SUMF2: variants seen among roughly 807,000 people sequenced by gnomAD.
SUMF2 encodes sulfatase modifying factor 2.
A neutral mutation model predicts 44.8 loss-of-function variants in SUMF2; 45 were observed. The observed-to-expected ratio is 1.00, with a 90% CI of 0.79 to 1.29. The LOEUF (loss-of-function observed/expected upper bound fraction) is 1.29, where lower values mean the gene tolerates loss of function less well. Ranked by LOEUF, SUMF2 falls within the 50% of genes most tolerant of loss-of-function variation. The probability of loss-of-function intolerance (pLI) is 0.00; values close to 1 mark genes in which losing one functional copy is unlikely to be tolerated. For synonymous variants in SUMF2, 148 were observed against 150.4 expected (o/e 0.98, Z 0.12); for missense variants, 418 against 389.9 (o/e 1.07, Z -0.61).
chr7:56,068,448 A>G (rs1794953217), intron 1 of SUMF2, 34 bp from the exon 2 acceptor site: 1 of 1,579,866 alleles, frequency 6.3e-7, no homozygotes. Flanking sequence ...ATATATATGC[A>G]TGTATTACTG....
chr7:56,085,184 C>T (rs2117567537), downstream of SUMF2, among the ~76,000 whole-genome samples: 1 of 152,262 alleles, frequency 6.6e-6, no homozygotes, highest in South Asian at 2.1e-4. Flanking sequence ...TGGTCTCGAA[C>T]TCCCGGCTTC....
At position 56,079,706 on chromosome 7, in the gene SUMF2, A is replaced by G. The variant is rs1425119901; in HGVS notation, c.*94A>G. 2 of 1,610,896 alleles carry G rather than the reference A, an allele frequency of 1.2e-6. No homozygotes were observed. Among genetic ancestry groups the G allele is most frequent in the Admixed American group, 1.7e-5 (1 of 59,008 alleles). ...GCGCAATTCCAAGCTCGAGAGCTTC[A>G]GCCTCAGGAAAGAACTTCCCCTTCC... On this transcript the variant is annotated 3_prime_UTR_variant, in exon 9 of 9. Transcript: ENST00000434526.
At chr7:56,087,915 G>A in the SUMF2 span, 2 of 656,204 alleles carry the variant, frequency 3.0e-6, no homozygotes, top group Non-Finnish European at 5.2e-6. Context: ...TTTGGAAATG[G>A]TGGATGAATA....
rs1039968736 is a variant in SUMF2 at position 56,074,511 on chromosome 7, CG to C, written c.385-72del. The C allele has an allele frequency of 3.2e-6, 5 of 1,562,314 alleles. No homozygotes were observed. In the African/African-American group the frequency reaches 6.8e-5, roughly 21 times the overall value. Reference sequence around the variant, plus strand: ...TCCATCTAGTGGTAAAAGCTGAACGCGGGCGCCCTAAACCTAGCCTGCCTCC... The same window carrying C: ...TCCATCTAGTGGTAAAAGCTGAACGCGGCGCCCTAAACCTAGCCTGCCTCC... On this transcript the variant is annotated intron_variant, in intron 4 of 8. Transcript: ENST00000434526.
intron 1 of SUMF2, among the ~76,000 whole-genome samples, chr7:56,064,882 CAAAA>C (rs71015175): frequency 4.9e-4 from 7 of 14,310 alleles, no homozygotes; most frequent in Non-Finnish European, 8.0e-4. Context: ...TACTTTATCT[CAAAA>C]AAAAAAAAAA....
At chr7:56,081,343 C>T (rs1245094069), downstream of SUMF2, 3 of 1,563,692 alleles carry the variant, frequency 1.9e-6, no homozygotes, top group Non-Finnish European at 1.7e-6. This position sits in a 1 kb window ranked among gnomAD's most constrained non-coding sequence, Gnocchi z 4.6. Context: ...CCCCGCCCTG[C>T]CAGGCCCTGC....
the SUMF2 span, among the ~76,000 whole-genome samples, chr7:56,087,194 T>TTTATTATTATTATTA: frequency 1.3e-4 from 18 of 136,086 alleles, no homozygotes; most frequent in Admixed American, 4.5e-4. Context: ...GCCCAGGGAC[T>TTTATTATTATTATTA]TTATTATTAT....
intron 5 of SUMF2, among the ~76,000 whole-genome samples, chr7:56,075,609 G>C (rs529830184): frequency 6.6e-6 from 1 of 151,284 alleles, no homozygotes; most frequent in Non-Finnish European, 1.5e-5. Context: ...TGAGGCAGGG[G>C]AATGGCGTGA....
At chr7:56,065,978 G>T (rs1794758494) in intron 1 of SUMF2, among the ~76,000 whole-genome samples, 1 of 151,440 alleles carries the variant, frequency 6.6e-6, no homozygotes, top group South Asian at 2.1e-4. Context: ...CTATTCAGGA[G>T]GCTGAGGCGG....
At chr7:56,078,575 C>T in intron 8 of SUMF2, 67 bp downstream of exon 8, 3 of 1,469,570 alleles carry the variant, frequency 2.0e-6, no homozygotes, top group Non-Finnish European at 2.7e-6. Context: ...ATCCCGGTCC[C>T]AGAGTGTCCC....
downstream of SUMF2, chr7:56,081,734 G>A: frequency 6.2e-7 from 1 of 1,613,740 alleles, no homozygotes; most frequent in Non-Finnish European, 8.5e-7. This position sits in a 1 kb window ranked among gnomAD's most constrained non-coding sequence, Gnocchi z 4.6. Context: ...TTCTGGGGTT[G>A]CACCACCAGG....
rs1795783106 is a variant in SUMF2 at position 56,079,015 on chromosome 7, G to C, written c.821+507G>C. On this transcript the variant is annotated intron_variant, in intron 8 of 8. Transcript: ENST00000434526. ...AGGCTCTAGCGATTCTTCCACCTCAGCTCCTCAAGTATCTGGGACTACAGG... is the reference window on the plus strand; with the variant it reads ...AGGCTCTAGCGATTCTTCCACCTCACCTCCTCAAGTATCTGGGACTACAGG... The C allele has an allele frequency of 4.9e-6, 3 of 609,406 alleles. No individual in the cohort carries two copies. In the South Asian group the frequency reaches 6.0e-5, roughly 12 times the overall value. The allele number at this position is 609,406 out of a possible 1,614,324, so 37.7% of individuals were successfully genotyped here.
At chr7:56,075,694 G>A (rs1196869295) in intron 5 of SUMF2, among the ~76,000 whole-genome samples, 4 of 144,058 alleles carry the variant, frequency 2.8e-5, no homozygotes, top group Admixed American at 7.0e-5. Flanking sequence ...GTAAGACTCC[G>A]TCTCAAAAAA....
Position 56,079,252 on chromosome 7 carries a change from T to C in SUMF2, c.822-276T>C, listed in dbSNP as rs1343184464. The C allele has an allele frequency of 9.2e-6, 5 of 540,542 alleles. No homozygotes were observed. In the Admixed American group the frequency reaches 1.7e-4, roughly 18 times the overall value. The allele number at this position is 540,542 out of a possible 1,614,324, so 33.5% of individuals were successfully genotyped here. A position where few individuals can be genotyped will look rare whatever the true frequency, so the allele number is the denominator to read the frequency against. On this transcript the variant is annotated intron_variant, in intron 8 of 8. Coordinates refer to ENST00000434526, the MANE Select transcript of SUMF2 (RefSeq NM_015411.4). ...GCTAACATAGAAGTTAGTCACTGTC[T>C]TTTCTGCTCTTCAGTGCTGTCTCTT... is the stretch of plus-strand genomic sequence containing the variant.
At chr7:56,074,854 T>G (rs748134863) in intron 5 of SUMF2, 118 bp downstream of exon 5, 151 of 1,324,152 alleles carry the variant, frequency 1.1e-4, no homozygotes, top group Admixed American at 4.6e-4. Context: ...TCCCAACACT[T>G]TGGGAGGCTG....
At chr7:56,076,351 A>G (rs974249636) in intron 5 of SUMF2, among the ~76,000 whole-genome samples, 4 of 151,748 alleles carry the variant, frequency 2.6e-5, no homozygotes, top group African/African-American at 9.7e-5. Flanking sequence ...TAGTAGAGAC[A>G]GGATTTCACT....
chr7:56,072,192 A>T (rs1306971161), intron 2 of SUMF2, among the ~76,000 whole-genome samples: 1 of 151,222 alleles, frequency 6.6e-6, no homozygotes, highest in African/African-American at 2.4e-5. Flanking sequence ...TTGGGAGGCC[A>T]CTTTGGGTGG....
chr7:56,081,073 A>G (rs1795953443), downstream of SUMF2: 10 of 1,602,366 alleles, frequency 6.2e-6, no homozygotes, highest in Admixed American at 1.7e-5. This position sits in a 1 kb window ranked among gnomAD's most constrained non-coding sequence, Gnocchi z 4.6. Context: ...CTCCTCGGCC[A>G]GGGAGAGGAG....
downstream of SUMF2, among the ~76,000 whole-genome samples, chr7:56,085,557 A>C (rs1423196875): frequency 6.6e-6 from 1 of 152,064 alleles, no homozygotes; most frequent in Non-Finnish European, 1.5e-5. Context: ...TGATCTTTGG[A>C]CCACACCCCA....
Sources: gnomAD v4.1 joint callset for allele counts (sites outside exome capture counted in the v4.1 genomes callset) on GRCh38, gnomAD v4.1.1 for gene constraint, Gnocchi (gnomAD v3.1) non-coding constraint, MANE v1.5 for transcripts, NCBI Gene and HGNC (gene_info 2026-07-23, HGNC 2026-07-21) for gene names.